SUMF1: variants seen among roughly 807,000 people sequenced by gnomAD.
The protein encoded by SUMF1 is formylglycine-generating enzyme.
Under a neutral mutation model 47.6 loss-of-function variants are expected in SUMF1, and 48 were observed. That is an observed-to-expected ratio of 1.01 (90% CI 0.80 to 1.28). SUMF1 has a LOEUF of 1.28. Ranked by LOEUF, SUMF1 falls within the 50% of genes most tolerant of loss-of-function variation. The probability of loss-of-function intolerance (pLI) is 0.00; values close to 1 mark genes in which losing one functional copy is unlikely to be tolerated. For missense variants in SUMF1, 571 were observed against 485.4 expected, an observed-to-expected ratio of 1.18 and a Z score of -1.66; for synonymous variants, 230 against 192.1, an observed-to-expected ratio of 1.20 and a Z score of -1.63.
intron 8 of SUMF1, among the ~76,000 whole-genome samples, chr3:4,182,505 T>C (rs1695117399): frequency 1.3e-5 from 2 of 151,976 alleles, no homozygotes; most frequent in South Asian, 2.1e-4. Context: ...GGGTAAAACG[T>C]AGAACTTCAG....
rs77228687 is a variant in SUMF1 at position 4,174,443 on chromosome 3, T to A, written c.1015-105698A>T. On this transcript the variant is annotated intron_variant and NMD_transcript_variant, in intron 8 of 12. Coordinates refer to the SUMF1 transcript ENST00000448413. ...CAGGGACAGTGGCTCATGCCTGTTATCCCAGGGGATAACACTTTGGGAGGC... is the reference window on the plus strand; with the variant it reads ...CAGGGACAGTGGCTCATGCCTGTTAACCCAGGGGATAACACTTTGGGAGGC... Among the ~76,000 whole-genome samples the A allele has an allele frequency of 6.4e-3, 963 of 151,624 alleles. 16 individuals carry two copies. The highest frequency in any genetic ancestry group is 0.022 in the African/African-American group (923 of 41,298).
chr3:4,073,546 G>A (rs1692338958), intron 8 of SUMF1, among the ~76,000 whole-genome samples: 1 of 152,232 alleles, frequency 6.6e-6, no homozygotes, highest in Admixed American at 6.5e-5. Context: ...CTGGCAAATT[G>A]GATAAAGAGT....
intron 7 of SUMF1, among the ~76,000 whole-genome samples, chr3:4,398,659 A>T (rs1575174440): frequency 6.6e-6 from 1 of 152,328 alleles, no homozygotes; most frequent in East Asian, 1.9e-4. Context: ...TAATGGAAAT[A>T]AGAGGTTAGG....
chr3:4,167,623 G>T (rs902333062), intron 8 of SUMF1, among the ~76,000 whole-genome samples: 2 of 152,086 alleles, frequency 1.3e-5, no homozygotes, highest in African/African-American at 4.8e-5. Context: ...CAATCCCCTT[G>T]TAAGACAGAA....
At chr3:4,341,476 T>G (rs1699271333) in intron 8 of SUMF1, among the ~76,000 whole-genome samples, 1 of 152,208 alleles carries the variant, frequency 6.6e-6, no homozygotes, top group Admixed American at 6.5e-5. Context: ...TTCTTTATTT[T>G]TTTTTAATCT....
intron 7 of SUMF1, among the ~76,000 whole-genome samples, chr3:4,405,728 CAG>C (rs1559278379): frequency 6.6e-6 from 1 of 152,228 alleles, no homozygotes; most frequent in Admixed American, 6.5e-5. Flanking sequence ...CCCTGAGAAA[CAG>C]AGGACACTTT....
At chr3:4,275,474 A>C (rs184060359) in intron 8 of SUMF1, among the ~76,000 whole-genome samples, 17 of 152,262 alleles carry the variant, frequency 1.1e-4, no homozygotes, top group African/African-American at 3.9e-4. Context: ...TGCATTCTTC[A>C]TAAGACCAAG....
intron 8 of SUMF1, among the ~76,000 whole-genome samples, chr3:4,296,732 A>G (rs1395769442): frequency 6.6e-6 from 1 of 152,206 alleles, no homozygotes; most frequent in Non-Finnish European, 1.5e-5. Context: ...CAGCGAAACC[A>G]TATCAAGAGC....
intron 8 of SUMF1, among the ~76,000 whole-genome samples, chr3:4,212,329 G>A (rs775917842): frequency 5.9e-5 from 9 of 152,120 alleles, no homozygotes; most frequent in African/African-American, 1.2e-4. Context: ...GCAGACCTGC[G>A]GCAGAGGGGC....
At chr3:4,173,866 C>T (rs1052424314) in intron 8 of SUMF1, among the ~76,000 whole-genome samples, 6 of 152,006 alleles carry the variant, frequency 3.9e-5, no homozygotes, top group African/African-American at 9.7e-5. Context: ...ACATCACACA[C>T]GAGGGCCTGT....
chr3:4,218,301 T>C (rs1354338215), intron 8 of SUMF1, among the ~76,000 whole-genome samples: 1 of 151,972 alleles, frequency 6.6e-6, no homozygotes, highest in East Asian at 1.9e-4. Context: ...AATAATAATA[T>C]GTAATAAAAA....
chr3:4,322,729 C>T (rs1698863297), intron 8 of SUMF1, among the ~76,000 whole-genome samples: 1 of 151,824 alleles, frequency 6.6e-6, no homozygotes, highest in Non-Finnish European at 1.5e-5. Context: ...AAAGTGGAAG[C>T]CTCATATATT....
intron 8 of SUMF1, among the ~76,000 whole-genome samples, chr3:4,214,772 G>A (rs1490853651): frequency 8.3e-5 from 8 of 96,682 alleles, no homozygotes; most frequent in Non-Finnish European, 1.5e-4. Flanking sequence ...AAACACCTCT[G>A]CGAAAATAAG....
At chr3:4,300,554 C>G (rs780358179) in intron 8 of SUMF1, among the ~76,000 whole-genome samples, 47 of 152,184 alleles carry the variant, frequency 3.1e-4, no homozygotes, top group Non-Finnish European at 6.2e-4. Context: ...TGTTCTCAAA[C>G]CTATTAATGC....
Position 4,284,263 on chromosome 3 carries a change from T to A in SUMF1, c.1014+92067A>T, listed in dbSNP as rs1050501574. 2.6e-4 allele frequency among the ~76,000 whole-genome samples: 40 copies of A among 151,014 alleles called. 1 individual carries two copies. Among genetic ancestry groups the A allele is most frequent in the African/African-American group, 8.5e-4 (35 of 41,170 alleles). On this transcript the variant is annotated intron_variant and NMD_transcript_variant, in intron 8 of 12. Coordinates refer to the SUMF1 transcript ENST00000448413. ...AATCCCATTTCTACAAAAAAAAAAA[T>A]TAGTCATGCATGGTGGCACGTGCCA...
chr3:4,211,767 TC>T (rs900372850), intron 8 of SUMF1, among the ~76,000 whole-genome samples: 66 of 152,214 alleles, frequency 4.3e-4, no homozygotes, highest in African/African-American at 1.4e-3. Flanking sequence ...ATACATCAAG[TC>T]TTAGCAAGGA....
At chr3:4,125,885 C>G (rs1693645302) in intron 8 of SUMF1, among the ~76,000 whole-genome samples, 1 of 152,010 alleles carries the variant, frequency 6.6e-6, no homozygotes, top group Non-Finnish European at 1.5e-5. Context: ...CTTTGTTGGC[C>G]AGGCTGGTCT....
chr3:4,335,370 T>C (rs768741044), intron 8 of SUMF1, among the ~76,000 whole-genome samples: 2 of 152,200 alleles, frequency 1.3e-5, no homozygotes, highest in African/African-American at 2.4e-5. Flanking sequence ...GGAGAAGTGA[T>C]AGCCAGCTGA....
intron 2 of SUMF1, among the ~76,000 whole-genome samples, chr3:4,451,290 G>T (rs367561875): frequency 6.6e-6 from 1 of 152,022 alleles, no homozygotes; most frequent in East Asian, 1.9e-4. Context: ...ACAAAAATAT[G>T]ATTAAAAATG....
Sources: gnomAD v4.1 joint callset for allele counts (sites outside exome capture counted in the v4.1 genomes callset) on GRCh38, gnomAD v4.1.1 for gene constraint, MANE v1.5 for transcripts, NCBI Gene and HGNC (gene_info 2026-07-23, HGNC 2026-07-21) for gene names.